The following ARID2 variants were observed in gnomAD, a reference collection of about 807,000 sequenced individuals.
ARID2 encodes AT-rich interactive domain-containing protein 2.
Under a neutral mutation model 184.6 loss-of-function variants are expected in ARID2, and 32 were observed. That is an observed-to-expected ratio of 0.17 (90% CI 0.13 to 0.23). The LOEUF (loss-of-function observed/expected upper bound fraction) is 0.23, where lower values mean the gene tolerates loss of function less well. ARID2 is among the 10% of genes least tolerant of loss of function. The pLI is 1.00. For missense variants in ARID2, 1,696 were observed against 2,197.6 expected (o/e 0.77, Z 4.56); for synonymous variants, 836 against 772.6 (o/e 1.08, Z -1.36).
chr12:45,888,723 C>T (rs1178184263), intron 16 of ARID2, among the ~76,000 whole-genome samples: 2 of 152,154 alleles, frequency 1.3e-5, no homozygotes, highest in East Asian at 3.8e-4. Context: ...ACTAGATTCT[C>T]AGTGAGTAAA....
chr12:45,740,911 C>G (rs1431717530), intron 3 of ARID2, among the ~76,000 whole-genome samples: 1 of 152,096 alleles, frequency 6.6e-6, no homozygotes, highest in Non-Finnish European at 1.5e-5. Context: ...GTCACTTTGT[C>G]TCATTATTGC....
In ARID2 at chr12:45,856,258, T is replaced by G. The variant is rs35114; in HGVS notation, c.4773+3362T>G. Among the ~76,000 whole-genome samples, 634 of 150,932 alleles carry G rather than the reference T, an allele frequency of 4.2e-3. 5 individuals carry two copies. Among genetic ancestry groups the G allele is most frequent in the African/African-American group, 0.015 (599 of 41,136 alleles). ...TGATTTTTGTATTTTTAATAGAGAC[T>G]GGGTTTCACCATGTTGGTCAGGCTG... is the stretch of plus-strand genomic sequence containing the variant. On this transcript the variant is annotated intron_variant, in intron 15 of 20. Transcript: ENST00000334344.
Position 45,746,683 on chromosome 12 carries a change from A to C in ARID2, c.284+15369A>C, listed in dbSNP as rs561695149. Among the ~76,000 whole-genome samples the C allele has an allele frequency of 2.0e-5, 3 of 152,202 alleles. No individual in the cohort carries two copies. In the East Asian group the frequency reaches 5.8e-4, roughly 29 times the overall value. On this transcript the variant is annotated intron_variant, in intron 3 of 20. Transcript: ENST00000334344. ...CTTCACACCTCCCTATGACATAGAT[A>C]CTGTTAATATCCTGGTATTATAGAT...
intron 16 of ARID2, among the ~76,000 whole-genome samples, chr12:45,868,533 C>T (rs1200907287): frequency 1.3e-5 from 2 of 152,196 alleles, no homozygotes; most frequent in African/African-American, 4.8e-5. Flanking sequence ...AAATTTAAAT[C>T]TTAATGGTTT....
chr12:45,855,078 T>TATCAATA (rs1376025716), intron 15 of ARID2, among the ~76,000 whole-genome samples: 2 of 152,200 alleles, frequency 1.3e-5, no homozygotes, highest in African/African-American at 4.8e-5. Context: ...ATCTAACATA[T>TATCAATA]TGATTATTTG....
chr12:45,768,925 A>G (rs1941820013), intron 3 of ARID2, among the ~76,000 whole-genome samples: 1 of 152,268 alleles, frequency 6.6e-6, no homozygotes, highest in South Asian at 2.1e-4. Context: ...TGCCAAAACC[A>G]CTGTCATTTC....
At chr12:45,752,782 C>T (rs1373749745) in intron 3 of ARID2, among the ~76,000 whole-genome samples, 1 of 152,188 alleles carries the variant, frequency 6.6e-6, no homozygotes, top group African/African-American at 2.4e-5. Flanking sequence ...AGGCGTGAGC[C>T]ACTGTACCAG....
chr12:45,827,931 G>A (rs893505021), intron 6 of ARID2, among the ~76,000 whole-genome samples: 15 of 152,096 alleles, frequency 9.9e-5, no homozygotes, highest in African/African-American at 3.1e-4. Flanking sequence ...TATGTTAATC[G>A]TATTATTATA....
At chr12:45,899,697 A>ATATATGGT (rs1944427758) in intron 20 of ARID2, among the ~76,000 whole-genome samples, 1 of 105,522 alleles carries the variant, frequency 9.5e-6, no homozygotes, top group African/African-American at 4.9e-5. Context: ...ATATATGGTT[A>ATATATGGT]TATATATATA....
intron 16 of ARID2, among the ~76,000 whole-genome samples, chr12:45,887,048 T>TGA (rs1944203432): frequency 6.6e-6 from 1 of 152,238 alleles, no homozygotes; most frequent in Non-Finnish European, 1.5e-5. Flanking sequence ...GGTTTTCATT[T>TGA]CAGGAAATTT....
intron 16 of ARID2, among the ~76,000 whole-genome samples, chr12:45,862,130 C>T (rs1243620388): frequency 1.3e-5 from 2 of 152,086 alleles, no homozygotes; most frequent in Non-Finnish European, 2.9e-5. Context: ...AACTGTAACT[C>T]TCAACCCAGT....
intron 16 of ARID2, among the ~76,000 whole-genome samples, chr12:45,887,459 G>C (rs1197561113): frequency 6.6e-6 from 1 of 152,134 alleles, no homozygotes; most frequent in African/African-American, 2.4e-5. Flanking sequence ...ACTTAAGTGT[G>C]GGATTCAGAA....
Position 45,905,283 on chromosome 12 carries a change from G to T in ARID2, c.*205G>T. On this transcript the variant is annotated 3_prime_UTR_variant, in exon 21 of 21. Transcript: ENST00000334344. Reference sequence around the variant, plus strand: ...TTTAAAAAAATCTAAAAAGAAAAAGGAAAAAAAAAAAAGAACTGCTGTGGG... The same window carrying T: ...TTTAAAAAAATCTAAAAAGAAAAAGTAAAAAAAAAAAAGAACTGCTGTGGG... 2.8e-6 allele frequency: 1 copy of T among 351,764 alleles called. No homozygotes were observed. Among genetic ancestry groups the T allele is most frequent in the Non-Finnish European group, 4.9e-6 (1 of 204,782 alleles). The allele number at this position is 351,764 out of a possible 1,614,324, so 21.8% of individuals were successfully genotyped here. A position where few individuals can be genotyped will look rare whatever the true frequency, so the allele number is the denominator to read the frequency against.
At position 45,892,064 on chromosome 12, in the gene ARID2, A is replaced by T; in HGVS notation, c.5115A>T (p.Pro1705=). 1.9e-6 allele frequency: 3 copies of T among 1,614,152 alleles called. 1 individual carries two copies. Among genetic ancestry groups the T allele is most frequent in the Non-Finnish European group, 2.5e-6 (3 of 1,179,980 alleles). ...ALLAGLKQDE[P]GQAGSQKSST... is the part of the protein sequence containing the mutation. ...TTGCAGGATTAAAACAAGATGAACC[A>T]GGACAAGCAGGAAGTCAGAAGTCTT... The change falls in exon 18 of 21, where the codon CCA becomes CCT. Residue 1705 remains proline (P), a synonymous_variant. Transcript: ENST00000334344.
At chr12:45,738,776 CTACTTTTTTT>C in intron 3 of ARID2, among the ~76,000 whole-genome samples, 1 of 75,306 alleles carries the variant, frequency 1.3e-5, no homozygotes, top group African/African-American at 6.7e-5. Context: ...GGCATATGGG[CTACTTTTTTT>C]TTTTTTTTTT....
chr12:45,895,747 TTG>T (rs1944360947), intron 20 of ARID2, among the ~76,000 whole-genome samples: 1 of 152,136 alleles, frequency 6.6e-6, no homozygotes, highest in East Asian at 1.9e-4. Flanking sequence ...GTTGGCCAGT[TTG>T]GTCTTGAACT....
intron 3 of ARID2, among the ~76,000 whole-genome samples, chr12:45,772,377 C>T (rs1941894652): frequency 6.6e-6 from 1 of 152,080 alleles, no homozygotes; most frequent in Non-Finnish European, 1.5e-5. Flanking sequence ...ATTGCTTGAG[C>T]CCAGTAGTTA....
At chr12:45,755,791 A>G (rs1159195763) in intron 3 of ARID2, 6 of 162,018 alleles carry the variant, frequency 3.7e-5, no homozygotes, top group African/African-American at 1.2e-4. Flanking sequence ...ATTGTCTTCT[A>G]TTCTTCTGAA....
At chr12:45,829,881 C>T in intron 6 of ARID2, among the ~76,000 whole-genome samples, 1 of 145,100 alleles carries the variant, frequency 6.9e-6, no homozygotes, top group Non-Finnish European at 1.5e-5. Flanking sequence ...AGGCTTGTTC[C>T]TTAATCATTT....
Sources: gnomAD v4.1 joint callset for allele counts (sites outside exome capture counted in the v4.1 genomes callset) on GRCh38, gnomAD v4.1.1 for gene constraint, MANE v1.5 for transcripts, NCBI Gene and HGNC (gene_info 2026-07-23, HGNC 2026-07-21) for gene names.